The following SLC3A2 variants were observed in gnomAD, a reference collection of about 807,000 sequenced individuals.
SLC3A2 encodes the protein solute carrier family 3 member 2.
Under a neutral mutation model 48.5 loss-of-function variants are expected in SLC3A2, and 32 were observed. The ratio of observed to expected loss-of-function variants is 0.66; its 90% CI spans 0.50 to 0.89. SLC3A2 has a LOEUF of 0.89. Among genes scored for constraint, SLC3A2 ranks in the 40% least tolerant of loss-of-function variants. The probability of loss-of-function intolerance (pLI) is 0.00; values close to 1 mark genes in which losing one functional copy is unlikely to be tolerated. For missense variants in SLC3A2, 587 were observed against 680.7 expected (o/e 0.86, Z 1.53); for synonymous variants, 277 against 288.8 (o/e 0.96, Z 0.41).
Position 62,881,577 on chromosome 11 carries a change from T to TTCCCCCCCCCCC in SLC3A2, c.424+130_424+131insTCCCCCCCCCCC. ...TCCCGTACCGACGACTGTTCCCCCTTCCCCCACCCCCTCCCCGGCACATTG... is the reference window on the plus strand; with the variant it reads ...TCCCGTACCGACGACTGTTCCCCCTTTCCCCCCCCCCCCCCCCACCCCCTCCCCGGCACATTG... On this transcript the variant is annotated intron_variant, in intron 1 of 8. Transcript: ENST00000338663. The surrounding 1 kb of genome is among the most constrained non-coding windows in gnomAD (Gnocchi z 4.0). 8.2e-7 allele frequency: 1 copy of TTCCCCCCCCCCC among 1,221,276 alleles called. No homozygotes were observed. Among genetic ancestry groups the TTCCCCCCCCCCC allele is most frequent in the East Asian group, 2.6e-5 (1 of 38,448 alleles). The allele number at this position is 1,221,276 out of a possible 1,614,324, so 75.7% of individuals were successfully genotyped here.
upstream of SLC3A2, among the ~76,000 whole-genome samples, chr11:62,878,073 C>G (rs545128102): frequency 9.2e-5 from 14 of 151,936 alleles, no homozygotes; most frequent in East Asian, 2.7e-3. Context: ...GAAGAAGAAT[C>G]GCTTGAACCT....
intron 1 of SLC3A2, among the ~76,000 whole-genome samples, chr11:62,858,717 AGG>A (rs2085365088): frequency 6.6e-6 from 1 of 152,140 alleles, no homozygotes; most frequent in Non-Finnish European, 1.5e-5. Flanking sequence ...TTTCTCGAAG[AGG>A]GGGTTGTGTC....
chr11:62,878,172 C>CA (rs902061924), upstream of SLC3A2, among the ~76,000 whole-genome samples: 6 of 149,480 alleles, frequency 4.0e-5, no homozygotes, highest in African/African-American at 1.5e-4. Flanking sequence ...AAAAAAAAAA[C>CA]AAAAAACAAA....
intron 1 of SLC3A2, chr11:62,871,802 T>A (rs2134991503): frequency 2.8e-6 from 1 of 361,302 alleles, no homozygotes; most frequent in Admixed American, 4.5e-5. Context: ...TAGAGTCATC[T>A]TACAAAGTTC....
At chr11:62,880,825 G>A (rs538892529), upstream of SLC3A2, 13 of 1,221,882 alleles carry the variant, frequency 1.1e-5, no homozygotes, top group African/African-American at 2.0e-4. Flanking sequence ...AGTCCCCGAG[G>A]TTCCACCTTA....
chr11:62,880,916 C>T lies in SLC3A2; in HGVS notation c.-108C>T. ...TGAGCAGATGCAGTAGCCGAAACTG[C>T]GCGGAGGCACAGAGGCCGGGGAGAG... is the stretch of plus-strand genomic sequence containing the variant. On this transcript the variant is annotated 5_prime_UTR_variant, in exon 1 of 9. Coordinates refer to ENST00000338663, the MANE Select transcript of SLC3A2 (RefSeq NM_001013251.3). The T allele has an allele frequency of 1.4e-6, 2 of 1,458,094 alleles. No homozygotes were observed. Among genetic ancestry groups the T allele is most frequent in the South Asian group, 1.5e-5 (1 of 68,230 alleles). The allele number at this position is 1,458,094 out of a possible 1,614,324, so 90.3% of individuals were successfully genotyped here.
Position 62,888,229 on chromosome 11 carries a change from T to A in SLC3A2, c.1227+11T>A, listed in dbSNP as rs201080392. On this transcript the variant is annotated intron_variant, in intron 8 of 8. Coordinates refer to ENST00000338663, the MANE Select transcript of SLC3A2 (RefSeq NM_001013251.3). ...AACATGACTGTGAAGGTAAGAGTTC[T>A]AGATGGGTAGAAACTGACCGGTGGA... 39 of 1,613,886 alleles carry A rather than the reference T, an allele frequency of 2.4e-5. No homozygotes were observed. In the African/African-American group the frequency reaches 3.9e-4, roughly 16 times the overall value.
chr11:62,875,548 CCTT>C (rs375680920), intron 1 of SLC3A2, among the ~76,000 whole-genome samples: 38 of 152,112 alleles, frequency 2.5e-4, no homozygotes, highest in African/African-American at 8.4e-4. Flanking sequence ...AAAAAAAAGT[CCTT>C]CTTAGATGTT....
chr11:62,881,160 A>G lies in SLC3A2; in HGVS notation c.137A>G (p.Lys46Arg). 6.3e-7 allele frequency: 1 copy of G among 1,595,404 alleles called. No homozygotes were observed. The highest frequency in any genetic ancestry group is 8.5e-7 in the Non-Finnish European group (1 of 1,172,942). ...GAEKNGLVKI[K>R]VAEDEAEAAA... ...GAGAAGAATGGTCTGGTGAAGATCA[A>G]GGTGGCGGAAGACGAGGCGGAGGCG... Residue 46 changes from lysine to arginine, a missense_variant, in exon 1 of 9, where the codon AAG becomes AGG. Lys to Arg is a conservative substitution (Grantham distance 26). Coordinates refer to ENST00000338663, the MANE Select transcript of SLC3A2 (RefSeq NM_001013251.3). The surrounding 1 kb of genome is among the most constrained non-coding windows in gnomAD (Gnocchi z 4.0).
At chr11:62,876,845 G>A (rs1438504320), upstream of SLC3A2, 7 of 922,238 alleles carry the variant, frequency 7.6e-6, no homozygotes, top group South Asian at 2.0e-5. Context: ...CAATTGATCC[G>A]ACTGCCTCGG....
chr11:62,859,508 C>T lies in SLC3A2; in HGVS notation c.112+3127C>T, dbSNP rs553612169. Among the ~76,000 whole-genome samples the T allele has an allele frequency of 3.9e-5, 6 of 152,220 alleles. No homozygotes were observed. In the South Asian group the frequency reaches 1.0e-3, roughly 26 times the overall value. ...ACCAGCATGGCCAACATGGTGAAAA[C>T]CCTTCTCTACTAAAAATTCAAAAAT... On this transcript the variant is annotated intron_variant, in intron 1 of 9. Transcript: ENST00000377889.
Position 62,881,584 on chromosome 11 carries a change from C to G in SLC3A2, c.424+137C>G. 1 of 1,206,912 alleles carries G rather than the reference C, an allele frequency of 8.3e-7. No individual in the cohort carries two copies. The highest frequency in any genetic ancestry group is 1.1e-6 in the Non-Finnish European group (1 of 891,174). 74.8% of individuals were successfully genotyped at this position (1,206,912 alleles called of 1,614,324 possible). ...CCGACGACTGTTCCCCCTTCCCCCA[C>G]CCCCTCCCCGGCACATTGTCCTTCC... On this transcript the variant is annotated intron_variant, in intron 1 of 8. Coordinates refer to ENST00000338663, the MANE Select transcript of SLC3A2 (RefSeq NM_001013251.3). This position sits in a 1 kb window ranked among gnomAD's most constrained non-coding sequence, Gnocchi z 4.0.
Position 62,881,077 on chromosome 11 carries a change from G to C in SLC3A2, c.54G>C (p.Glu18Asp). The C allele has an allele frequency of 1.9e-6, 3 of 1,608,098 alleles. No individual in the cohort carries two copies. Among genetic ancestry groups the C allele is most frequent in the Non-Finnish European group, 2.5e-6 (3 of 1,177,106 alleles). Residue 18 changes from glutamate to aspartate, a missense_variant, in exon 1 of 9, where the codon GAG (glutamate) becomes GAC (aspartate). By Grantham distance (45) the Glu-to-Asp change is conservative (BLOSUM62 2). Transcript: ENST00000338663. The surrounding 1 kb of genome is among the most constrained non-coding windows in gnomAD (Gnocchi z 4.0). ...DMKEVELNEL[E>D]PEKQPMNAAS... is the part of the protein sequence containing the mutation. ...AGGAGGTGGAGCTGAATGAGTTAGAGCCCGAGAAGCAGCCGATGAACGCGG... is the reference window on the plus strand; with the variant it reads ...AGGAGGTGGAGCTGAATGAGTTAGACCCCGAGAAGCAGCCGATGAACGCGG...
In SLC3A2 at chr11:62,884,675, GC is replaced by G; in HGVS notation, c.804del (p.Phe269SerfsTer7). 6.2e-7 allele frequency: 1 copy of G among 1,606,516 alleles called. No homozygotes were observed. The highest frequency in any genetic ancestry group is 8.5e-7 in the Non-Finnish European group (1 of 1,174,984). ...GCTGAGTGGCAAAATATCACCAAGGGCTTCAGTGAAGACAGGTGGGTGCAGG... is the reference window on the plus strand; with the variant it reads ...GCTGAGTGGCAAAATATCACCAAGGGTTCAGTGAAGACAGGTGGGTGCAGG... ...FLAEWQNITK[G>X]FSEDRLLIAG... On this transcript the variant is annotated frameshift_variant, in exon 5 of 9. Coordinates refer to ENST00000338663, the MANE Select transcript of SLC3A2 (RefSeq NM_001013251.3). LOFTEE classifies it high-confidence loss of function.
At chr11:62,883,096 G>A in intron 3 of SLC3A2, 97 bp downstream of exon 3, 1 of 1,131,058 alleles carries the variant, frequency 8.8e-7, no homozygotes, top group East Asian at 2.4e-5. Flanking sequence ...CTCCAGCTGA[G>A]GGTCCCTTTG....
intron 2 of SLC3A2, 97 bp downstream of exon 2, chr11:62,882,163 T>C: frequency 7.0e-7 from 1 of 1,429,020 alleles, no homozygotes; most frequent in Non-Finnish European, 9.7e-7. Flanking sequence ...TAACTGGCTC[T>C]GAGTTTTCCT....
chr11:62,885,193 A>G lies in SLC3A2; in HGVS notation c.835A>G (p.Thr279Ala). Reference protein sequence around the residue: ...FSEDRLLIAGTNSSDLQQILS... With the variant: ...FSEDRLLIAGANSSDLQQILS... ...CCTCTGCAGGCTCTTGATTGCGGGG[A>G]CTAACTCCTCCGACCTTCAGCAGAT... The change falls in exon 6 of 9, where the codon ACT (threonine) becomes GCT (alanine). Residue 279 changes from threonine (T) to alanine (A), a missense_variant. Around this residue, in one of 3 missense-constraint regions of SLC3A2, gnomAD observed 409 missense variants for 446.7 expected, o/e 0.92. Transcript: ENST00000338663. 1 of 1,613,902 alleles carries G rather than the reference A, an allele frequency of 6.2e-7. No individual in the cohort carries two copies. Among genetic ancestry groups the G allele is most frequent in the Non-Finnish European group, 8.5e-7 (1 of 1,179,970 alleles).
At position 62,881,469 on chromosome 11, in the gene SLC3A2, C is replaced by T; in HGVS notation, c.424+22C>T. 1 of 1,553,932 alleles carries T rather than the reference C, an allele frequency of 6.4e-7. No individual in the cohort carries two copies. The highest frequency in any genetic ancestry group is 8.6e-7 in the Non-Finnish European group (1 of 1,158,028). ...GCGGGTGAGTGCAGCGCGCCCCCGT[C>T]CCGGGTACCTCCGGTTGAATCTGGT... On this transcript the variant is annotated intron_variant, in intron 1 of 8. Transcript: ENST00000338663. This position sits in a 1 kb window ranked among gnomAD's most constrained non-coding sequence, Gnocchi z 4.0.
At chr11:62,861,139 A>G (rs2085393771) in intron 1 of SLC3A2, among the ~76,000 whole-genome samples, 1 of 152,012 alleles carries the variant, frequency 6.6e-6, no homozygotes, top group Admixed American at 6.6e-5. Flanking sequence ...CAGGAGTTTG[A>G]GACCAGCCTG....
Sources: allele counts gnomAD v4.1 joint callset (sites outside exome capture counted in the v4.1 genomes callset), GRCh38; gene constraint gnomAD v4.1.1; regional missense constraint gnomAD v4.1.1; non-coding constraint Gnocchi (gnomAD v3.1); transcripts MANE v1.5; gene names NCBI Gene and HGNC (gene_info 2026-07-23, HGNC 2026-07-21).